The following PHACTR2 variants were observed in gnomAD, a reference collection of about 807,000 sequenced individuals.
PHACTR2 encodes phosphatase and actin regulator 2.
Under a neutral mutation model 76.0 loss-of-function variants are expected in PHACTR2, and 30 were observed. The ratio of observed to expected loss-of-function variants is 0.39; its 90% CI spans 0.30 to 0.54. The LOEUF (loss-of-function observed/expected upper bound fraction) is 0.54, where lower values mean the gene tolerates loss of function less well. PHACTR2 is among the 20% of genes least tolerant of loss of function. PHACTR2 has a pLI of 0.61. For missense variants in PHACTR2, 696 were observed against 781.1 expected (o/e 0.89, Z 1.30); for synonymous variants, 292 against 292.5 (o/e 1.00, Z 0.02).
At chr6:143,681,425 G>T (rs780954736) in intron 1 of PHACTR2, among the ~76,000 whole-genome samples, 1 of 151,488 alleles carries the variant, frequency 6.6e-6, no homozygotes, top group Non-Finnish European at 1.5e-5. Context: ...CAGATCCTTT[G>T]CCTAATTTTA....
rs1359909057 is a variant in PHACTR2, at chr6:143,722,067, G to A, written c.214+9884G>A. 6.6e-6 allele frequency among the ~76,000 whole-genome samples: 1 copy of A among 152,178 alleles called. No homozygotes were observed. Among genetic ancestry groups the A allele is most frequent in the African/African-American group, 2.4e-5 (1 of 41,434 alleles). ...ATCTTACTTAAAGAGGAATTTACCAGTAAGAATTAAGCATCTTGTAAATGT... is the reference window on the plus strand; with the variant it reads ...ATCTTACTTAAAGAGGAATTTACCAATAAGAATTAAGCATCTTGTAAATGT... On this transcript the variant is annotated intron_variant, in intron 2 of 12. Transcript: ENST00000440869. This position sits in a 1 kb window ranked among gnomAD's most constrained non-coding sequence, Gnocchi z 4.1.
In PHACTR2 at chr6:143,589,482, T is replaced by A. The variant is rs1188633070; in HGVS notation, c.217+52275T>A. On this transcript the variant is annotated intron_variant, in intron 1 of 11. Transcript: ENST00000367584. This position sits in a 1 kb window ranked among gnomAD's most constrained non-coding sequence, Gnocchi z 4.4. ...GCTTCCTGTACAGCCTGTGGAACCA[T>A]GAGCCAAGGAAACCTTTTTTCTTTA... Among the ~76,000 whole-genome samples, 1 of 152,182 alleles carries A rather than the reference T, an allele frequency of 6.6e-6. No individual in the cohort carries two copies. The highest frequency in any genetic ancestry group is 1.9e-4 in the East Asian group (1 of 5,196).
intron 1 of PHACTR2, among the ~76,000 whole-genome samples, chr6:143,704,733 G>C (rs1778006296): frequency 6.6e-6 from 1 of 152,130 alleles, no homozygotes; most frequent in Non-Finnish European, 1.5e-5. Context: ...GATGCATTCA[G>C]GATGCCATGT....
chr6:143,678,949 A>T lies in PHACTR2; in HGVS notation c.46+740A>T, dbSNP rs1054022434. Reference sequence around the variant, plus strand: ...CCCCGACAGTGTAGGGATAAAAAAAAAAAAAACTGTTTGGTGGTGTTACTT... The same window carrying T: ...CCCCGACAGTGTAGGGATAAAAAAATAAAAAACTGTTTGGTGGTGTTACTT... On this transcript the variant is annotated intron_variant, in intron 1 of 12. Transcript: ENST00000440869. The surrounding 1 kb of genome is among the most constrained non-coding windows in gnomAD (Gnocchi z 6.2). 1.3e-5 allele frequency among the ~76,000 whole-genome samples: 2 copies of T among 152,118 alleles called. No individual in the cohort carries two copies. The highest frequency in any genetic ancestry group is 4.8e-5 in the African/African-American group (2 of 41,388).
chr6:143,649,241 G>A (rs1776713714), intron 1 of PHACTR2, among the ~76,000 whole-genome samples: 1 of 152,164 alleles, frequency 6.6e-6, no homozygotes. Context: ...GAGTGGATAA[G>A]GAGGGTGTGA....
intron 1 of PHACTR2, among the ~76,000 whole-genome samples, chr6:143,576,982 A>G (rs1775523359): frequency 6.6e-6 from 1 of 152,170 alleles, no homozygotes; most frequent in Admixed American, 6.5e-5. Flanking sequence ...CTATGCTAAC[A>G]TACACAAAAA....
At position 143,557,098 on chromosome 6, in the gene PHACTR2, T is replaced by C. The variant is rs2128428424; in HGVS notation, c.217+19891T>C. Among the ~76,000 whole-genome samples the C allele has an allele frequency of 6.6e-6, 1 of 152,302 alleles. No homozygotes were observed. Among genetic ancestry groups the C allele is most frequent in the African/African-American group, 2.4e-5 (1 of 41,564 alleles). ...TGGTTCGGCAAGAGGATTCACTTGG[T>C]TTGACAAACTTTTCCCTTTGAAGAG... On this transcript the variant is annotated intron_variant, in intron 1 of 11. Coordinates refer to the PHACTR2 transcript ENST00000367584. This position sits in a 1 kb window ranked among gnomAD's most constrained non-coding sequence, Gnocchi z 5.5.
rs1177796317 is a variant in PHACTR2 at position 143,595,296 on chromosome 6, G to T, written c.217+58089G>T. On this transcript the variant is annotated intron_variant, in intron 1 of 11. Transcript: ENST00000367584. This position sits in a 1 kb window ranked among gnomAD's most constrained non-coding sequence, Gnocchi z 4.2. ...GTAAAGGGAGAAGTGTACATGACAG[G>T]TTTCTGATTTTCTAGCTTTTTAACA... 6.6e-6 allele frequency among the ~76,000 whole-genome samples: 1 copy of T among 152,160 alleles called. No homozygotes were observed. Among genetic ancestry groups the T allele is most frequent in the African/African-American group, 2.4e-5 (1 of 41,436 alleles).
rs1777780607 is a variant in PHACTR2, at chr6:143,696,759, A to G, written c.47-15257A>G. 1.3e-5 allele frequency among the ~76,000 whole-genome samples: 2 copies of G among 152,212 alleles called. No individual in the cohort carries two copies. The highest frequency in any genetic ancestry group is 4.1e-4 in the South Asian group (2 of 4,832). ...ACACATAGCTAAAGAGTTAAACAAA[A>G]CAAACCATTTTCTTCTCTGGAAGCT... is the stretch of plus-strand genomic sequence containing the variant. On this transcript the variant is annotated intron_variant, in intron 1 of 12. Transcript: ENST00000440869. The surrounding 1 kb of genome is among the most constrained non-coding windows in gnomAD (Gnocchi z 4.1).
At position 143,539,295 on chromosome 6, in the gene PHACTR2, A is replaced by G. The variant is rs1040706116; in HGVS notation, c.217+2088A>G. 5.3e-5 allele frequency among the ~76,000 whole-genome samples: 8 copies of G among 152,372 alleles called. No homozygotes were observed. The highest frequency in any genetic ancestry group is 1.3e-4 in the Admixed American group (2 of 15,310). On this transcript the variant is annotated intron_variant, in intron 1 of 11. Coordinates refer to the PHACTR2 transcript ENST00000367584. This position sits in a 1 kb window ranked among gnomAD's most constrained non-coding sequence, Gnocchi z 4.3. ...GTCCCATGTGCCGCAGGATGCTGGC[A>G]CAGATGTAGAAGAGTGAACATCTTT...
chr6:143,763,396 A>G (rs1779483447), intron 5 of PHACTR2, among the ~76,000 whole-genome samples: 2 of 152,326 alleles, frequency 1.3e-5, no homozygotes, highest in East Asian at 1.9e-4. Flanking sequence ...TTAACAAATT[A>G]TTAGAATTGT....
intron 1 of PHACTR2, among the ~76,000 whole-genome samples, chr6:143,630,816 CCT>C (rs1209723953): frequency 2.6e-5 from 4 of 152,186 alleles, no homozygotes; most frequent in South Asian, 4.1e-4. Context: ...TATGGATCAG[CCT>C]TTGGAGCAGG....
Position 143,753,669 on chromosome 6 carries a change from TA to T in PHACTR2, c.296-82del. ...GTTCCCAGGGACTGAAACATGAATC[TA>T]AATTTTACAATCCTAGTAACTGGAA... On this transcript the variant is annotated intron_variant, in intron 3 of 12. Coordinates refer to ENST00000440869, the MANE Select transcript of PHACTR2 (RefSeq NM_001100164.2). The surrounding 1 kb of genome is among the most constrained non-coding windows in gnomAD (Gnocchi z 4.6). 4.2e-6 allele frequency: 4 copies of T among 949,480 alleles called. No homozygotes were observed. Among genetic ancestry groups the T allele is most frequent in the Non-Finnish European group, 6.3e-6 (4 of 631,848 alleles). The allele number at this position is 949,480 out of a possible 1,614,324, so 58.8% of individuals were successfully genotyped here. A position where few individuals can be genotyped will look rare whatever the true frequency, so the allele number is the denominator to read the frequency against.
In PHACTR2 at chr6:143,760,821, C is replaced by G. The variant is rs1211652037; in HGVS notation, c.694+181C>G. ...TTGTTGCTCTCTACCAAAGGAAATT[C>G]AACCCATTGAATAGTTCACCTCATT... is the stretch of plus-strand genomic sequence containing the variant. On this transcript the variant is annotated intron_variant, in intron 5 of 12. Transcript: ENST00000440869. This position sits in a 1 kb window ranked among gnomAD's most constrained non-coding sequence, Gnocchi z 6.4. 6.6e-6 allele frequency among the ~76,000 whole-genome samples: 1 copy of G among 152,186 alleles called. No homozygotes were observed. Among genetic ancestry groups the G allele is most frequent in the African/African-American group, 2.4e-5 (1 of 41,450 alleles).
At chr6:143,759,909 G>A (rs971641794) in intron 4 of PHACTR2, among the ~76,000 whole-genome samples, 1 of 152,148 alleles carries the variant, frequency 6.6e-6, no homozygotes, top group African/African-American at 2.4e-5. Context: ...CTTTCAGATG[G>A]ATCAGGCTTG....
chr6:143,566,355 A>G (rs9386032), intron 1 of PHACTR2, among the ~76,000 whole-genome samples: 93,227 of 151,904 alleles, frequency 0.61, 28,947 homozygotes, highest in Middle Eastern at 0.72. Context: ...GTTCAGTGGT[A>G]CAATCGTAGC....
chr6:143,659,852 T>C lies in PHACTR2; in HGVS notation c.13+51530T>C, dbSNP rs1164142188. 6.6e-6 allele frequency among the ~76,000 whole-genome samples: 1 copy of C among 152,252 alleles called. No individual in the cohort carries two copies. Among genetic ancestry groups the C allele is most frequent in the Non-Finnish European group, 1.5e-5 (1 of 68,032 alleles). ...TGATTTGTCAGGTAATGAATGTTCC[T>C]GATTAGCTTTAGCACTGGTGTATTT... On this transcript the variant is annotated intron_variant, in intron 1 of 11. Transcript: ENST00000305766. The surrounding 1 kb of genome is among the most constrained non-coding windows in gnomAD (Gnocchi z 5.0).
In PHACTR2 at chr6:143,827,182, ATATATATATATATATATGTATAT is replaced by A; in HGVS notation, c.*3502_*3524del. The A allele has an allele frequency of 7.7e-6, 1 of 130,096 alleles. No individual in the cohort carries two copies. The highest frequency in any genetic ancestry group is 2.3e-4 in the South Asian group (1 of 4,268). The allele number at this position is 130,096 out of a possible 1,614,324, so 8.1% of individuals were successfully genotyped here. On this transcript the variant is annotated 3_prime_UTR_variant, in exon 13 of 13. Transcript: ENST00000440869. ...TATATATATATATATATATATATAT[ATATATATATATATATATGTATAT>A]TATATATACAGTAGCTTACACTTAA...
chr6:143,656,224 A>G lies in PHACTR2; in HGVS notation c.13+47902A>G, dbSNP rs1438069221. 6.6e-6 allele frequency among the ~76,000 whole-genome samples: 1 copy of G among 152,174 alleles called. No individual in the cohort carries two copies. The highest frequency in any genetic ancestry group is 2.4e-5 in the African/African-American group (1 of 41,460). ...GGGTCAGTCCATTCCTGTCCAGACC[A>G]GGGACTTCCTCTGACCTTGGCAACT... is the stretch of plus-strand genomic sequence containing the variant. On this transcript the variant is annotated intron_variant, in intron 1 of 11. Coordinates refer to the PHACTR2 transcript ENST00000305766. This position sits in a 1 kb window ranked among gnomAD's most constrained non-coding sequence, Gnocchi z 5.3.
Sources: gnomAD v4.1 joint callset for allele counts (sites outside exome capture counted in the v4.1 genomes callset) on GRCh38, gnomAD v4.1.1 for gene constraint, Gnocchi (gnomAD v3.1) non-coding constraint, MANE v1.5 for transcripts, NCBI Gene and HGNC (gene_info 2026-07-23, HGNC 2026-07-21) for gene names.